The following CDK6 variants were observed in gnomAD, a reference collection of about 807,000 sequenced individuals.
CDK6 encodes the protein cyclin dependent kinase 6.
Under a neutral mutation model 37.1 loss-of-function variants are expected in CDK6, and 6 were observed. The observed-to-expected ratio is 0.16, with a 90% confidence interval of 0.09 to 0.32. CDK6 has a LOEUF of 0.32. CDK6 is among the 10% of genes least tolerant of loss of function. The pLI, the probability that CDK6 is intolerant of heterozygous loss-of-function variation, is 1.00. For synonymous variants in CDK6, 160 were observed against 161.3 expected (o/e 0.99, Z 0.06); for missense variants, 224 against 418.9 (o/e 0.53, Z 4.06).
At chr7:92,672,160 T>TATATATATACACACACAC (rs1210519115) in intron 4 of CDK6, among the ~76,000 whole-genome samples, 1 of 79,092 alleles carries the variant, frequency 1.3e-5, no homozygotes, top group Non-Finnish European at 2.4e-5. Context: ...TATATATATA[T>TATATATATACACACACAC]ACACATACAC....
intron 2 of CDK6, among the ~76,000 whole-genome samples, chr7:92,795,637 T>C (rs975649165): frequency 6.6e-6 from 1 of 152,134 alleles, no homozygotes. Flanking sequence ...ATTAAAACAA[T>C]AGAAGAGAAC....
At chr7:92,790,451 T>C (rs1156949821) in intron 2 of CDK6, among the ~76,000 whole-genome samples, 2 of 152,286 alleles carry the variant, frequency 1.3e-5, no homozygotes, top group African/African-American at 4.8e-5. Context: ...ATCTGATCGA[T>C]AGCATTGAAC....
At chr7:92,717,538 G>C (rs972775404) in intron 4 of CDK6, among the ~76,000 whole-genome samples, 6 of 152,014 alleles carry the variant, frequency 3.9e-5, no homozygotes, top group African/African-American at 1.2e-4. Flanking sequence ...AAGAAAGAAA[G>C]AAAGACAGAC....
chr7:92,710,680 A>G, intron 4 of CDK6: 2 of 984,546 alleles, frequency 2.0e-6, no homozygotes, highest in Non-Finnish European at 2.4e-6. Flanking sequence ...AGTTAAACAA[A>G]GGAGACCAAA....
intron 4 of CDK6, among the ~76,000 whole-genome samples, chr7:92,724,334 G>A (rs192664474): frequency 6.6e-6 from 1 of 152,142 alleles, no homozygotes; most frequent in Non-Finnish European, 1.5e-5. Flanking sequence ...TGGGCAAAGA[G>A]GAAATGAGTA....
intron 2 of CDK6, among the ~76,000 whole-genome samples, chr7:92,808,215 A>C (rs2115928899): frequency 6.6e-6 from 1 of 152,342 alleles, no homozygotes; most frequent in East Asian, 1.9e-4. Flanking sequence ...AGATGAGTAA[A>C]ATGCAAAGTG....
chr7:92,648,099 G>C (rs776211060), intron 5 of CDK6, among the ~76,000 whole-genome samples: 2 of 152,104 alleles, frequency 1.3e-5, no homozygotes, highest in Admixed American at 1.3e-4. Context: ...GTGTGTGTGG[G>C]TATGTGTGTG....
intron 2 of CDK6, among the ~76,000 whole-genome samples, chr7:92,827,838 T>C (rs1009379837): frequency 6.6e-6 from 1 of 152,152 alleles, no homozygotes; most frequent in Admixed American, 6.5e-5. Context: ...ACAGAGCAAC[T>C]CATCTGAACC....
At chr7:92,803,177 T>C (rs944697843) in intron 2 of CDK6, among the ~76,000 whole-genome samples, 3 of 152,210 alleles carry the variant, frequency 2.0e-5, no homozygotes, top group Admixed American at 6.5e-5. Flanking sequence ...AACCACATAA[T>C]AAGCACTTAT....
rs138125262 is a variant in CDK6 at position 92,789,246 on chromosome 7, G to A, written c.234-14415C>T. Reference sequence around the variant, plus strand: ...TTAAGACATTCTCAGATAAACAAAAGCTGAGGGAGTTTTTTGCCAATAGAT... The same window carrying A: ...TTAAGACATTCTCAGATAAACAAAAACTGAGGGAGTTTTTTGCCAATAGAT... On this transcript the variant is annotated intron_variant, in intron 2 of 7. Coordinates refer to ENST00000424848, the MANE Select transcript of CDK6 (RefSeq NM_001145306.2). Among the ~76,000 whole-genome samples, 242 of 152,264 alleles carry A rather than the reference G, an allele frequency of 1.6e-3. 3 individuals carry two copies. In the East Asian group the frequency reaches 0.018, roughly 11 times the overall value.
intron 5 of CDK6, among the ~76,000 whole-genome samples, chr7:92,648,844 T>C (rs1414009244): frequency 1.3e-5 from 2 of 152,218 alleles, no homozygotes; most frequent in African/African-American, 4.8e-5. Context: ...TTTTAGTTTT[T>C]ACTATGGATA....
chr7:92,622,537 G>T (rs575335627), intron 6 of CDK6, among the ~76,000 whole-genome samples: 13 of 152,196 alleles, frequency 8.5e-5, no homozygotes, highest in Non-Finnish European at 1.8e-4. Context: ...AAGACTTAGG[G>T]TTCTCATTTT....
chr7:92,825,602 A>T (rs539574794), intron 2 of CDK6, among the ~76,000 whole-genome samples: 2 of 152,318 alleles, frequency 1.3e-5, no homozygotes, highest in Non-Finnish European at 2.9e-5. Flanking sequence ...AATTATGAAG[A>T]GGAGTAGAAG....
intron 3 of CDK6, among the ~76,000 whole-genome samples, chr7:92,766,933 G>C (rs1799595336): frequency 6.6e-6 from 1 of 152,052 alleles, no homozygotes; most frequent in Non-Finnish European, 1.5e-5. Context: ...AAAGAAACTA[G>C]CTTTTCTTAA....
chr7:92,761,696 A>G (rs1225146326), intron 3 of CDK6, among the ~76,000 whole-genome samples: 3 of 152,324 alleles, frequency 2.0e-5, no homozygotes, highest in African/African-American at 7.2e-5. Flanking sequence ...AACATGAACC[A>G]TATGTTAATT....
chr7:92,606,612 C>T lies in CDK6; in HGVS notation c.*8528G>A, dbSNP rs181886126. ...AGAACCATGATTTCAAACACAGAAA[C>T]TAACAAGTCAAATTTCCAAATTAGA... On this transcript the variant is annotated 3_prime_UTR_variant, in exon 8 of 8. Transcript: ENST00000424848. 2.2e-4 allele frequency: 51 copies of T among 231,168 alleles called. No individual in the cohort carries two copies. In the East Asian group the frequency reaches 3.1e-3, roughly 14 times the overall value. 14.3% of individuals were successfully genotyped at this position (231,168 alleles called of 1,614,324 possible).
intron 4 of CDK6, among the ~76,000 whole-genome samples, chr7:92,710,236 A>G (rs1161643597): frequency 6.6e-6 from 1 of 152,228 alleles, no homozygotes; most frequent in East Asian, 1.9e-4. Context: ...GGATTCAATT[A>G]TGAGTGATGA....
chr7:92,610,743 A>T lies in CDK6; in HGVS notation c.*4397T>A, dbSNP rs1170590435. The T allele has an allele frequency of 1.8e-5, 4 of 228,070 alleles. No individual in the cohort carries two copies. Among genetic ancestry groups the T allele is most frequent in the African/African-American group, 8.9e-5 (4 of 45,086 alleles). The allele number at this position is 228,070 out of a possible 1,614,324, so 14.1% of individuals were successfully genotyped here. On this transcript the variant is annotated 3_prime_UTR_variant, in exon 8 of 8. Coordinates refer to ENST00000424848, the MANE Select transcript of CDK6 (RefSeq NM_001145306.2). ...CTCAATAAGTTTTTCCACTGTGGAG[A>T]TGGAACATGTAAATATCTTCCTAAT...
chr7:92,748,322 G>A (rs1799108306), intron 3 of CDK6, among the ~76,000 whole-genome samples: 1 of 152,136 alleles, frequency 6.6e-6, no homozygotes, highest in Non-Finnish European at 1.5e-5. Flanking sequence ...GGGACACCAA[G>A]TAGATCAAGT....
Sources: gnomAD v4.1 joint callset for allele counts (sites outside exome capture counted in the v4.1 genomes callset) on GRCh38, gnomAD v4.1.1 for gene constraint, MANE v1.5 for transcripts, NCBI Gene and HGNC (gene_info 2026-07-23, HGNC 2026-07-21) for gene names.